TENM1: variants seen among roughly 807,000 people sequenced by gnomAD.
The protein encoded by TENM1 is teneurin-1.
A neutral mutation model predicts 174.8 loss-of-function variants in TENM1; 35 were observed. The observed-to-expected ratio is 0.20, with a 90% CI of 0.15 to 0.27. The LOEUF is 0.27. Ranked by LOEUF, TENM1 falls within the 10% of genes least tolerant of loss-of-function variation. The probability of loss-of-function intolerance (pLI) is 1.00; values close to 1 mark genes in which losing one functional copy is unlikely to be tolerated. For missense variants in TENM1, 1,633 were observed against 2,130.1 expected, an observed-to-expected ratio of 0.77 and a Z score of 4.59; for synonymous variants, 781 against 798.7, an observed-to-expected ratio of 0.98 and a Z score of 0.37.
At chrX:124,653,668 T>C (rs763668431) in exon 7 of TENM1, 1 of 1,210,452 alleles carries the variant, frequency 8.3e-7, no homozygotes. Flanking sequence ...ACTTCAGATA[T>C]ATTGGATGGT....
chrX:124,641,910 A>T (rs776533447), exon 11 of TENM1: 1 of 1,209,627 alleles, frequency 8.3e-7, no homozygotes. Flanking sequence ...TTCACAGTTA[A>T]CTCCTCCCCA....
intron 1 of TENM1, among the ~76,000 whole-genome samples, chrX:124,942,174 C>T (rs1349644678): frequency 1.8e-5 from 2 of 111,355 alleles, no homozygotes; most frequent in African/African-American, 3.3e-5. Flanking sequence ...AACCAGTTAG[C>T]CCCTAAGTCT....
chrX:124,950,527 G>A (rs1421215248), intron 1 of TENM1, among the ~76,000 whole-genome samples: 3 of 111,740 alleles, frequency 2.7e-5, no homozygotes, highest in African/African-American at 9.7e-5. Flanking sequence ...TCAACAAATA[G>A]GTATTGAATA....
intron 11 of TENM1, among the ~76,000 whole-genome samples, chrX:124,566,001 A>T (rs1040118461): frequency 1.4e-4 from 16 of 111,803 alleles, no homozygotes; most frequent in African/African-American, 5.2e-4. Flanking sequence ...TAGAAATGAG[A>T]TTAATGACAA....
chrX:125,044,173 TA>T, the TENM1 span, among the ~76,000 whole-genome samples: 1 of 19,155 alleles, frequency 5.2e-5, no homozygotes, highest in Non-Finnish European at 9.6e-5. Flanking sequence ...ATAATAATAA[TA>T]AAAAAAGGAA....
chrX:125,112,263 C>G, the TENM1 span, among the ~76,000 whole-genome samples: 2 of 107,118 alleles, frequency 1.9e-5, no homozygotes, highest in Admixed American at 2.1e-4. Context: ...TGATTTACAA[C>G]TAGAGTTTTG....
Position 124,588,004 on chromosome X carries a change from C to T in TENM1, c.2078-22444G>A, listed in dbSNP as rs189787304. On this transcript the variant is annotated intron_variant, in intron 11 of 31. Transcript: ENST00000422452. The stretch of plus-strand genomic sequence containing the variant: ...ACCACAATGAGATACCATCTCACAC[C>T]AGTTAGAATGGCAATCACTAAAAAG... 1.7e-3 allele frequency among the ~76,000 whole-genome samples: 196 copies of T among 112,082 alleles called. 4 individuals carry two copies. In the East Asian group the frequency reaches 0.04, roughly 23 times the overall value.
exon 24 of TENM1, chrX:124,422,566 T>C (rs775543910): frequency 2.5e-6 from 3 of 1,210,830 alleles, no homozygotes; most frequent in Non-Finnish European, 3.4e-6. Flanking sequence ...TGCAGCACAA[T>C]GTTGTTATCC....
intron 11 of TENM1, among the ~76,000 whole-genome samples, chrX:124,588,222 C>T (rs1303559664): frequency 9.0e-6 from 1 of 111,240 alleles, no homozygotes; most frequent in Non-Finnish European, 1.9e-5. Context: ...AATCATGCTG[C>T]TATAAAGACA....
At chrX:124,535,489 C>T (rs2048188191) in intron 15 of TENM1, among the ~76,000 whole-genome samples, 1 of 111,549 alleles carries the variant, frequency 9.0e-6, no homozygotes, top group Admixed American at 9.5e-5. Context: ...AAAGGGGTGG[C>T]TGTACTACAA....
chrX:124,959,850 G>A (rs890631502), intron 1 of TENM1, among the ~76,000 whole-genome samples: 6 of 110,833 alleles, frequency 5.4e-5, no homozygotes, highest in African/African-American at 2.0e-4. Flanking sequence ...CTATCAATTC[G>A]AACACACTTA....
intron 11 of TENM1, among the ~76,000 whole-genome samples, chrX:124,628,427 AATT>A (rs2050686040): frequency 9.0e-6 from 1 of 111,196 alleles, no homozygotes; most frequent in Non-Finnish European, 1.9e-5. Flanking sequence ...AGTAAAACAA[AATT>A]ATTTAGTAAA....
chrX:124,480,512 A>T (rs2046819569), intron 22 of TENM1, among the ~76,000 whole-genome samples: 1 of 112,419 alleles, frequency 8.9e-6, no homozygotes, highest in Non-Finnish European at 1.9e-5. Context: ...TTCATAATAC[A>T]TTGTGTAAAA....
the TENM1 span, among the ~76,000 whole-genome samples, chrX:125,131,707 T>C: frequency 8.9e-6 from 1 of 111,793 alleles, no homozygotes; most frequent in African/African-American, 3.3e-5. Context: ...AAACCAACAA[T>C]AGCAGGGGAA....
At chrX:124,456,688 A>C (rs2061111054) in intron 22 of TENM1, among the ~76,000 whole-genome samples, 1 of 111,937 alleles carries the variant, frequency 8.9e-6, no homozygotes, top group African/African-American at 3.2e-5. Context: ...ACACATTCCC[A>C]GTATATATTT....
At chrX:124,543,311 G>C (rs757192610) in intron 15 of TENM1, among the ~76,000 whole-genome samples, 1 of 112,476 alleles carries the variant, frequency 8.9e-6, no homozygotes, top group Non-Finnish European at 1.9e-5. Flanking sequence ...ACATCTGTGG[G>C]CTGATTTTAA....
At chrX:124,712,367 T>TC (rs199525635) in intron 4 of TENM1, among the ~76,000 whole-genome samples, 1,723 of 111,555 alleles carry the variant, frequency 0.015, 19 homozygotes, top group South Asian at 0.023. Context: ...TTTTCCTTCT[T>TC]CTTTTTTTTT....
chrX:125,087,172 C>A, the TENM1 span, among the ~76,000 whole-genome samples: 1 of 110,720 alleles, frequency 9.0e-6, no homozygotes, highest in Non-Finnish European at 1.9e-5. Context: ...GTTTTTTTCT[C>A]AGAATCATTG....
At chrX:124,824,016 A>G (rs936287765) in intron 3 of TENM1, among the ~76,000 whole-genome samples, 1 of 111,999 alleles carries the variant, frequency 8.9e-6, no homozygotes, top group East Asian at 2.8e-4. Flanking sequence ...ATAATGCTGT[A>G]TGGTATAGGT....
Sources: allele counts gnomAD v4.1 joint callset (sites outside exome capture counted in the v4.1 genomes callset), GRCh38; gene constraint gnomAD v4.1.1; transcripts MANE v1.5; gene names NCBI Gene and HGNC (gene_info 2026-07-23, HGNC 2026-07-21).